The following SCHIP1 variants were observed in gnomAD, a reference collection of about 807,000 sequenced individuals.
SCHIP1 encodes schwannomin interacting protein 1.
Under a neutral mutation model 29.7 loss-of-function variants are expected in SCHIP1, and 8 were observed. The observed-to-expected ratio is 0.27, with a 90% CI of 0.16 to 0.49. The LOEUF is 0.49. Ranked by LOEUF, SCHIP1 falls within the 20% of genes least tolerant of loss-of-function variation. The pLI, the probability that SCHIP1 is intolerant of heterozygous loss-of-function variation, is 0.99. For missense variants in SCHIP1, 193 were observed against 294.6 expected (o/e 0.66, Z 2.52); for synonymous variants, 76 against 94.9 (o/e 0.80, Z 1.16).
the SCHIP1 span, among the ~76,000 whole-genome samples, chr3:159,774,673 T>G: frequency 2.0e-3 from 300 of 152,352 alleles, 1 homozygote; most frequent in African/African-American, 6.9e-3. Flanking sequence ...CAGTGTTTTG[T>G]TCAGCCCCAG....
the SCHIP1 span, among the ~76,000 whole-genome samples, chr3:159,694,556 GAAAGAAA>G: frequency 9.6e-6 from 1 of 104,350 alleles, no homozygotes; most frequent in Non-Finnish European, 2.2e-5. Context: ...AAGAAAGAAA[GAAAGAAA>G]GAAAGAAAGA....
the SCHIP1 span, among the ~76,000 whole-genome samples, chr3:159,276,487 T>C: frequency 6.6e-6 from 1 of 152,178 alleles, no homozygotes; most frequent in Non-Finnish European, 1.5e-5. Flanking sequence ...TGATTCATCA[T>C]AAAACTTTCT....
chr3:159,338,816 A>G, the SCHIP1 span, among the ~76,000 whole-genome samples: 6 of 152,162 alleles, frequency 3.9e-5, no homozygotes, highest in African/African-American at 9.7e-5. Flanking sequence ...AATATTACCA[A>G]TGTTTGGATC....
the SCHIP1 span, among the ~76,000 whole-genome samples, chr3:159,651,907 T>C: frequency 6.6e-6 from 1 of 152,136 alleles, no homozygotes; most frequent in Non-Finnish European, 1.5e-5. Context: ...CCATTCTGGA[T>C]AACACGGTGA....
chr3:159,834,004 C>T, the SCHIP1 span, among the ~76,000 whole-genome samples: 2 of 152,130 alleles, frequency 1.3e-5, no homozygotes, highest in African/African-American at 4.8e-5. Context: ...CTCCTCTATC[C>T]TCCAAAGGAC....
At chr3:159,815,253 G>T in the SCHIP1 span, among the ~76,000 whole-genome samples, 1 of 152,206 alleles carries the variant, frequency 6.6e-6, no homozygotes, top group African/African-American at 2.4e-5. Context: ...TCCCAGTGAT[G>T]CTGGCACTCA....
At chr3:159,282,242 A>G in the SCHIP1 span, among the ~76,000 whole-genome samples, 2 of 152,016 alleles carry the variant, frequency 1.3e-5, no homozygotes, top group African/African-American at 4.8e-5. Flanking sequence ...CTGTTGTGCT[A>G]GTTCTGTTAA....
the SCHIP1 span, among the ~76,000 whole-genome samples, chr3:159,702,423 A>T: frequency 1.1e-4 from 16 of 152,220 alleles, no homozygotes; most frequent in Non-Finnish European, 2.1e-4. Context: ...CTAATACCCC[A>T]AGAAACTATT....
chr3:159,543,714 A>G, the SCHIP1 span, among the ~76,000 whole-genome samples: 2 of 151,970 alleles, frequency 1.3e-5, no homozygotes, highest in African/African-American at 4.8e-5. Context: ...ATGATTTATA[A>G]TCCTTTGGGT....
At chr3:159,866,204 A>C (rs771265570) in exon 2 of SCHIP1, 2 of 1,613,568 alleles carry the variant, frequency 1.2e-6, no homozygotes, top group African/African-American at 2.7e-5. Flanking sequence ...AGAAGTTGGC[A>C]CTTGGAAGCT....
the SCHIP1 span, among the ~76,000 whole-genome samples, chr3:159,536,593 C>T: frequency 6.6e-6 from 1 of 152,070 alleles, no homozygotes; most frequent in Non-Finnish European, 1.5e-5. Flanking sequence ...CCTAATCCAC[C>T]CAACCCCAAA....
At chr3:159,589,125 TC>T in the SCHIP1 span, among the ~76,000 whole-genome samples, 1 of 152,200 alleles carries the variant, frequency 6.6e-6, no homozygotes, top group Non-Finnish European at 1.5e-5. Flanking sequence ...TTCATTTGTG[TC>T]CTGTTTTATT....
At chr3:159,705,947 C>T in the SCHIP1 span, among the ~76,000 whole-genome samples, 1 of 152,088 alleles carries the variant, frequency 6.6e-6, no homozygotes, top group Admixed American at 6.5e-5. Context: ...CCTCATGATC[C>T]ACCCGCCTCG....
At chr3:159,666,505 G>T in the SCHIP1 span, among the ~76,000 whole-genome samples, 1 of 152,186 alleles carries the variant, frequency 6.6e-6, no homozygotes, top group South Asian at 2.1e-4. Flanking sequence ...CAAATCTGAG[G>T]TGGTTTATAG....
At chr3:159,656,727 G>C in the SCHIP1 span, among the ~76,000 whole-genome samples, 1 of 152,086 alleles carries the variant, frequency 6.6e-6, no homozygotes, top group Non-Finnish European at 1.5e-5. Context: ...TGTAAATGTT[G>C]GTTCCAGAGT....
chr3:159,355,492 A>G, the SCHIP1 span, among the ~76,000 whole-genome samples: 1 of 152,194 alleles, frequency 6.6e-6, no homozygotes, highest in Non-Finnish European at 1.5e-5. Flanking sequence ...ATCATATAAG[A>G]TCAGATAGCT....
At chr3:159,734,841 C>A in the SCHIP1 span, among the ~76,000 whole-genome samples, 2 of 130,026 alleles carry the variant, frequency 1.5e-5, no homozygotes, top group African/African-American at 6.0e-5. Flanking sequence ...TGTTCCTTGG[C>A]AAAGGAAATA....
chr3:159,477,242 G>A, the SCHIP1 span, among the ~76,000 whole-genome samples: 1 of 152,144 alleles, frequency 6.6e-6, no homozygotes, highest in Non-Finnish European at 1.5e-5. Context: ...TAATGCTGCT[G>A]TGAACATCAG....
the SCHIP1 span, among the ~76,000 whole-genome samples, chr3:159,311,641 G>A: frequency 6.6e-6 from 1 of 151,962 alleles, no homozygotes; most frequent in Non-Finnish European, 1.5e-5. Context: ...TATTCTATGA[G>A]CTTCTCATTT....
Sources: gnomAD v4.1 joint callset for allele counts (sites outside exome capture counted in the v4.1 genomes callset) on GRCh38, gnomAD v4.1.1 for gene constraint, MANE v1.5 for transcripts, NCBI Gene and HGNC (gene_info 2026-07-23, HGNC 2026-07-21) for gene names.